The following DNAH3 variants were observed in gnomAD, a reference collection of about 807,000 sequenced individuals.
The protein encoded by DNAH3 is dynein axonemal heavy chain 3.
A neutral mutation model predicts 432.5 loss-of-function variants in DNAH3; 332 were observed. The observed-to-expected ratio is 0.77, with a 90% CI of 0.70 to 0.84. The LOEUF is 0.84. Ranked by LOEUF, DNAH3 falls within the 40% of genes least tolerant of loss-of-function variation. The pLI, the probability that DNAH3 is intolerant of heterozygous loss-of-function variation, is 0.00. For missense variants in DNAH3, 4,861 were observed against 5,114.0 expected (o/e 0.95, Z 1.51); for synonymous variants, 1,956 against 1,900.2 (o/e 1.03, Z -0.76).
chr16:21,093,256 T>C (rs930710530), intron 18 of DNAH3, among the ~76,000 whole-genome samples: 3 of 152,204 alleles, frequency 2.0e-5, no homozygotes, highest in African/African-American at 7.2e-5. Context: ...ATTCTTATCA[T>C]ATAATCCAGC....
At chr16:20,951,635 G>A (rs2084314873) in intron 56 of DNAH3, among the ~76,000 whole-genome samples, 1 of 151,190 alleles carries the variant, frequency 6.6e-6, no homozygotes. Flanking sequence ...GTAGAGATGG[G>A]ATTTTGCCCC....
chr16:20,944,223 C>G (rs74014661), intron 58 of DNAH3, among the ~76,000 whole-genome samples: 2,697 of 151,808 alleles, frequency 0.018, 81 homozygotes, highest in African/African-American at 0.061. Flanking sequence ...GAATAAAACC[C>G]ATTATGTAAA....
chr16:21,124,896 C>T (rs544655512), intron 9 of DNAH3, among the ~76,000 whole-genome samples: 121 of 152,274 alleles, frequency 7.9e-4, no homozygotes, highest in Admixed American at 3.3e-3. Flanking sequence ...GTGATCTGCC[C>T]GCCTTGGCCT....
chr16:20,935,646 A>C (rs879004210), intron 60 of DNAH3, among the ~76,000 whole-genome samples, 161 bp from the exon 61 acceptor site: 12 of 152,140 alleles, frequency 7.9e-5, no homozygotes, highest in Admixed American at 2.6e-4. Context: ...AAATAAGGGT[A>C]CAAAGAAATA....
intron 31 of DNAH3, among the ~76,000 whole-genome samples, chr16:21,043,442 ATG>A (rs1340072613): frequency 1.6e-5 from 2 of 124,162 alleles, no homozygotes; most frequent in Admixed American, 1.7e-4. Flanking sequence ...GCATTTTTTC[ATG>A]TGTTTTTTGG....
rs184045599 is a variant in DNAH3, at chr16:21,134,705, G to A, written c.887-251C>T. 5.7e-3 allele frequency among the ~76,000 whole-genome samples: 867 copies of A among 151,888 alleles called. 20 individuals carry two copies. Among genetic ancestry groups the A allele is most frequent in the Admixed American group, 0.043 (648 of 15,224 alleles). On this transcript the variant is annotated intron_variant, in intron 6 of 61. Transcript: ENST00000261383. ...ATTTATTTATTTATTTTTTGAGATGGAGTCTCGCTCTGTCGCCCAGGCTCG... is the reference window on the plus strand; with the variant it reads ...ATTTATTTATTTATTTTTTGAGATGAAGTCTCGCTCTGTCGCCCAGGCTCG...
chr16:20,985,267 G>T, exon 48 of DNAH3: 2 of 1,614,142 alleles, frequency 1.2e-6, no homozygotes, highest in Non-Finnish European at 1.7e-6. Flanking sequence ...CTGGTTGTCG[G>T]CGAAGAGGAA....
At chr16:21,155,729 A>T (rs139256558) in intron 1 of DNAH3, among the ~76,000 whole-genome samples, 14 of 151,948 alleles carry the variant, frequency 9.2e-5, no homozygotes, top group African/African-American at 3.4e-4. Flanking sequence ...CCTGAAATTC[A>T]GATTTAATTG....
intron 59 of DNAH3, among the ~76,000 whole-genome samples, chr16:20,939,264 C>T (rs770404586): frequency 1.8e-4 from 28 of 152,182 alleles, no homozygotes; most frequent in Non-Finnish European, 3.5e-4. Flanking sequence ...GTCCTAGGCT[C>T]ACACCCCATA....
intron 1 of DNAH3, among the ~76,000 whole-genome samples, chr16:21,157,963 A>C (rs1285056240): frequency 6.6e-6 from 1 of 151,466 alleles, no homozygotes; most frequent in Non-Finnish European, 1.5e-5. Context: ...AGAGGCTAGG[A>C]TATTGCTAAA....
exon 48 of DNAH3, chr16:20,985,545 G>C: frequency 6.2e-7 from 1 of 1,614,196 alleles, no homozygotes; most frequent in Non-Finnish European, 8.5e-7. Flanking sequence ...GGGCCTTGCT[G>C]ATGTTGTTGA....
At chr16:21,055,341 C>T (rs1470586450) in intron 27 of DNAH3, among the ~76,000 whole-genome samples, 1 of 152,146 alleles carries the variant, frequency 6.6e-6, no homozygotes, top group Non-Finnish European at 1.5e-5. Flanking sequence ...CAGGCATGAG[C>T]CACCACGCCC....
intron 1 of DNAH3, among the ~76,000 whole-genome samples, chr16:21,153,932 A>G (rs951316160): frequency 1.3e-5 from 2 of 152,102 alleles, no homozygotes; most frequent in African/African-American, 4.8e-5. Context: ...CATCTCTTAT[A>G]TTATGCTCTT....
At chr16:21,062,549 A>G (rs779869613) in exon 25 of DNAH3, 1 of 1,614,208 alleles carries the variant, frequency 6.2e-7, no homozygotes, top group South Asian at 1.1e-5. Flanking sequence ...GATCATGCCC[A>G]CAATTTCCAG....
intron 51 of DNAH3, among the ~76,000 whole-genome samples, chr16:20,973,496 G>A (rs936535992): frequency 6.6e-6 from 1 of 151,964 alleles, no homozygotes; most frequent in Non-Finnish European, 1.5e-5. Flanking sequence ...CAAGTGATCT[G>A]CCCACCTTGG....
chr16:20,967,083 T>G (rs2085098156), intron 52 of DNAH3, among the ~76,000 whole-genome samples: 2 of 152,166 alleles, frequency 1.3e-5, no homozygotes, highest in South Asian at 4.1e-4. Context: ...GACATCACAT[T>G]GAGTACAGCA....
At chr16:21,020,418 T>TTTG (rs2088141347) in intron 40 of DNAH3, among the ~76,000 whole-genome samples, 1 of 101,028 alleles carries the variant, frequency 9.9e-6, no homozygotes, top group African/African-American at 4.0e-5. Context: ...TTTTTTTTTT[T>TTTG]TTGAGATGGA....
At chr16:20,969,469 G>A (rs1032838011) in intron 52 of DNAH3, among the ~76,000 whole-genome samples, 6 of 151,932 alleles carry the variant, frequency 3.9e-5, no homozygotes, top group East Asian at 1.9e-4. Context: ...TCACCCACAC[G>A]TGACTCTGTG....
intron 19 of DNAH3, among the ~76,000 whole-genome samples, chr16:21,082,164 T>C (rs1234453542): frequency 6.6e-6 from 1 of 151,926 alleles, no homozygotes; most frequent in African/African-American, 2.4e-5. Flanking sequence ...CCTCCCAAAG[T>C]AGTCACATTA....
Sources: gnomAD v4.1 joint callset for allele counts (sites outside exome capture counted in the v4.1 genomes callset) on GRCh38, gnomAD v4.1.1 for gene constraint, MANE v1.5 for transcripts, NCBI Gene and HGNC (gene_info 2026-07-23, HGNC 2026-07-21) for gene names.